Variants in NUDT3 observed in about 807,000 individuals in gnomAD.
NUDT3 encodes nudix hydrolase 3.
A neutral mutation model predicts 23.6 loss-of-function variants in NUDT3; 9 were observed. That is an observed-to-expected ratio of 0.38 (90% CI 0.23 to 0.66). The LOEUF is 0.66. Ranked by LOEUF, NUDT3 falls within the 30% of genes least tolerant of loss-of-function variation. NUDT3 has a pLI of 0.52. For missense variants in NUDT3, 172 were observed against 218.5 expected, an observed-to-expected ratio of 0.79 and a Z score of 1.34; for synonymous variants, 86 against 82.6, an observed-to-expected ratio of 1.04 and a Z score of -0.22.
intron 1 of NUDT3, among the ~76,000 whole-genome samples, chr6:34,366,430 GAA>G (rs1160497774): frequency 7.5e-6 from 1 of 134,106 alleles, no homozygotes; most frequent in Non-Finnish European, 1.6e-5. Context: ...GCAAGAGAGA[GAA>G]AGAGAGAGAG....
chr6:34,310,160 G>A (rs1394396937), intron 2 of NUDT3, among the ~76,000 whole-genome samples: 2 of 152,114 alleles, frequency 1.3e-5, no homozygotes, highest in Non-Finnish European at 2.9e-5. Context: ...TTGGGCCCAG[G>A]AGTTTGAGGC....
intron 1 of NUDT3, among the ~76,000 whole-genome samples, chr6:34,369,649 C>T (rs543115727): frequency 6.6e-6 from 1 of 152,188 alleles, no homozygotes; most frequent in South Asian, 2.1e-4. Context: ...ACAGGGAAGC[C>T]TTTGGTCTAA....
intron 2 of NUDT3, among the ~76,000 whole-genome samples, chr6:34,325,312 G>A (rs1029273225): frequency 6.6e-6 from 1 of 152,010 alleles, no homozygotes; most frequent in Non-Finnish European, 1.5e-5. Flanking sequence ...GGGCTTAAGC[G>A]ATCCTCCCTC....
At chr6:34,374,955 C>T (rs1764897182) in intron 1 of NUDT3, among the ~76,000 whole-genome samples, 1 of 152,234 alleles carries the variant, frequency 6.6e-6, no homozygotes, top group African/African-American at 2.4e-5. Context: ...CTACCGTTCT[C>T]TTTCCCCTCT....
chr6:34,369,574 G>A (rs1405289792), intron 1 of NUDT3, among the ~76,000 whole-genome samples: 1 of 152,122 alleles, frequency 6.6e-6, no homozygotes, highest in Non-Finnish European at 1.5e-5. Context: ...AACAGCGATA[G>A]GTACTAGGAA....
At chr6:34,354,789 A>T (rs1764537246) in intron 1 of NUDT3, among the ~76,000 whole-genome samples, 1 of 144,554 alleles carries the variant, frequency 6.9e-6, no homozygotes, top group South Asian at 2.2e-4. Context: ...TTATATTTGT[A>T]TACTTTATAT....
intron 2 of NUDT3, among the ~76,000 whole-genome samples, chr6:34,315,658 T>G (rs1430600820): frequency 1.3e-5 from 2 of 152,222 alleles, no homozygotes; most frequent in Non-Finnish European, 2.9e-5. Context: ...ACTGAAGGCC[T>G]GCAGTTATAG....
chr6:34,352,318 C>A (rs1764491019), intron 1 of NUDT3, among the ~76,000 whole-genome samples: 1 of 152,112 alleles, frequency 6.6e-6, no homozygotes, highest in Admixed American at 6.5e-5. Context: ...TACAGGTGTG[C>A]ACCACCACAC....
intron 2 of NUDT3, among the ~76,000 whole-genome samples, chr6:34,297,115 G>A (rs1239313555): frequency 5.3e-5 from 8 of 151,778 alleles, no homozygotes; most frequent in Non-Finnish European, 1.0e-4. Flanking sequence ...CTATTTTTTA[G>A]TAGAGACAGG....
intron 1 of NUDT3, among the ~76,000 whole-genome samples, chr6:34,345,126 G>A (rs1764344908): frequency 2.0e-5 from 3 of 151,566 alleles, no homozygotes; most frequent in Admixed American, 1.3e-4. Flanking sequence ...TTGGCTCACT[G>A]CAATCTCTGC....
chr6:34,377,245 A>G (rs1764939407), intron 1 of NUDT3, among the ~76,000 whole-genome samples: 1 of 152,160 alleles, frequency 6.6e-6, no homozygotes, highest in African/African-American at 2.4e-5. Context: ...TAATTCATCA[A>G]TTTAGAAAAG....
In NUDT3 at chr6:34,293,558, TAGAG is replaced by T. The variant is rs146708758; in HGVS notation, c.256-27_256-24del. 2,059 of 1,613,810 alleles carry T rather than the reference TAGAG, an allele frequency of 1.3e-3. 15 individuals are homozygous for T. In the East Asian group the frequency reaches 0.019, roughly 15 times the overall value. The stretch of plus-strand genomic sequence containing the variant: ...GTTCTGAAGGGCAAAGAGAGAAGGA[TAGAG>T]AGAGTTTTTCCTTAGAAAGCTGGAA... On this transcript the variant is annotated intron_variant, in intron 3 of 4. Transcript: ENST00000607016.
chr6:34,321,890 C>G (rs1763947748), intron 2 of NUDT3, among the ~76,000 whole-genome samples: 1 of 152,180 alleles, frequency 6.6e-6, no homozygotes, highest in South Asian at 2.1e-4. Context: ...TGAAATGTGG[C>G]TAGTGTAACT....
chr6:34,315,363 A>G (rs1168348591), intron 2 of NUDT3, among the ~76,000 whole-genome samples: 1 of 152,238 alleles, frequency 6.6e-6, no homozygotes, highest in Non-Finnish European at 1.5e-5. Context: ...TTTCTGAAAC[A>G]TTTAATATCA....
intron 2 of NUDT3, among the ~76,000 whole-genome samples, chr6:34,324,217 G>A (rs1306316282): frequency 6.6e-6 from 1 of 152,110 alleles, no homozygotes; most frequent in Non-Finnish European, 1.5e-5. Flanking sequence ...ACCTGGCATG[G>A]TGGCACACAC....
chr6:34,390,697 G>C (rs966507289), intron 1 of NUDT3, among the ~76,000 whole-genome samples: 2 of 151,984 alleles, frequency 1.3e-5, no homozygotes, highest in Non-Finnish European at 2.9e-5. Flanking sequence ...TGCATCATTC[G>C]TACAACTAAA....
At position 34,368,640 on chromosome 6, in the gene NUDT3, T is replaced by G. The variant is rs561006482; in HGVS notation, c.99+23624A>C. Among the ~76,000 whole-genome samples, 17 of 152,196 alleles carry G rather than the reference T, an allele frequency of 1.1e-4. No homozygotes were observed. The South Asian group carries it at 3.5e-3, about 32-fold the overall frequency. ...ACGAAACAGTAGCTCTGCTTTTGTT[T>G]TGTGTTTTTTGTTTTTGAGACAGAG... On this transcript the variant is annotated intron_variant, in intron 1 of 4. Transcript: ENST00000607016.
chr6:34,315,118 T>A (rs1007084726), intron 2 of NUDT3, among the ~76,000 whole-genome samples: 5 of 152,234 alleles, frequency 3.3e-5, no homozygotes, highest in Non-Finnish European at 5.9e-5. Context: ...ATAAATCTTT[T>A]GCCTTTTAGA....
At chr6:34,297,510 CAG>C (rs918568127) in intron 2 of NUDT3, among the ~76,000 whole-genome samples, 20 of 150,498 alleles carry the variant, frequency 1.3e-4, no homozygotes, top group African/African-American at 3.2e-4. Context: ...GCTGTTGGGG[CAG>C]ATGAGAGCCT....
Sources: allele counts gnomAD v4.1 joint callset (sites outside exome capture counted in the v4.1 genomes callset), GRCh38; gene constraint gnomAD v4.1.1; transcripts MANE v1.5; gene names NCBI Gene and HGNC (gene_info 2026-07-23, HGNC 2026-07-21).